Variants in LINGO2 observed in about 807,000 individuals in gnomAD.
LINGO2 encodes the protein leucine-rich repeat and immunoglobulin-like domain-containing nogo receptor-interacting protein 2.
LINGO2 carries 14 observed loss-of-function variants against 30.6 expected under a neutral mutation model. The ratio of observed to expected loss-of-function variants is 0.46; its 90% CI spans 0.30 to 0.72. The LOEUF (loss-of-function observed/expected upper bound fraction) is 0.72, where lower values mean the gene tolerates loss of function less well. LINGO2 is among the 30% of genes least tolerant of loss of function. LINGO2 has a pLI of 0.07. For missense variants in LINGO2, 729 were observed against 751.7 expected, an observed-to-expected ratio of 0.97 and a Z score of 0.35; for synonymous variants, 317 against 288.5, an observed-to-expected ratio of 1.10 and a Z score of -1.00.
chr9:28,507,451 T>A (rs746423857), intron 1 of LINGO2, among the ~76,000 whole-genome samples: 1 of 152,102 alleles, frequency 6.6e-6, no homozygotes, highest in Admixed American at 6.6e-5. Context: ...CAAAATCATA[T>A]ATCCCACTCA....
the LINGO2 span, among the ~76,000 whole-genome samples, chr9:28,753,405 C>A: frequency 6.6e-6 from 1 of 152,018 alleles, no homozygotes; most frequent in Admixed American, 6.6e-5. Flanking sequence ...TATAAGGCTG[C>A]AAATTGTGAA....
At chr9:27,943,699 G>A (rs909530875), downstream of LINGO2, 1 of 151,840 alleles carries the variant, frequency 6.6e-6, no homozygotes, top group Non-Finnish European at 1.5e-5. Context: ...TCCCTGGAGA[G>A]AGCGTTCATT....
the LINGO2 span, among the ~76,000 whole-genome samples, chr9:29,064,623 G>C: frequency 6.6e-6 from 1 of 151,938 alleles, no homozygotes; most frequent in Non-Finnish European, 1.5e-5. Flanking sequence ...CACTGAAGTA[G>C]AAAGAAAAGT....
chr9:28,134,352 C>T (rs1473987732), intron 4 of LINGO2, among the ~76,000 whole-genome samples: 12 of 152,264 alleles, frequency 7.9e-5, no homozygotes, highest in Non-Finnish European at 1.8e-4. Flanking sequence ...CTCGCTATTC[C>T]TCTTAGAAAC....
chr9:28,328,665 T>A (rs936363682), intron 3 of LINGO2, among the ~76,000 whole-genome samples: 36 of 152,066 alleles, frequency 2.4e-4, no homozygotes, highest in African/African-American at 8.5e-4. Context: ...AAGCAAAACA[T>A]TAGGAAAGCC....
chr9:28,742,285 T>G, the LINGO2 span, among the ~76,000 whole-genome samples: 1 of 135,166 alleles, frequency 7.4e-6, no homozygotes, highest in Non-Finnish European at 1.6e-5. Flanking sequence ...TTTTTTTAAT[T>G]TCTGCACTAC....
At chr9:28,959,993 T>C in the LINGO2 span, among the ~76,000 whole-genome samples, 1 of 152,178 alleles carries the variant, frequency 6.6e-6, no homozygotes, top group Admixed American at 6.5e-5. Flanking sequence ...AATTACATTT[T>C]AAATCTTTAA....
At chr9:28,778,338 T>C in the LINGO2 span, among the ~76,000 whole-genome samples, 9 of 152,172 alleles carry the variant, frequency 5.9e-5, no homozygotes, top group African/African-American at 2.2e-4. Flanking sequence ...TTTTTTCTTA[T>C]CAGTAACTCA....
the LINGO2 span, among the ~76,000 whole-genome samples, chr9:28,989,585 T>TAC: frequency 6.6e-6 from 1 of 152,312 alleles, no homozygotes; most frequent in East Asian, 1.9e-4. Flanking sequence ...TTTAGGAGCC[T>TAC]GTGTTACAGA....
rs1824609886 is a variant in LINGO2 at position 28,050,240 on chromosome 9, C to T, written c.-86-37835G>A. Among the ~76,000 whole-genome samples, 2 of 150,610 alleles carry T rather than the reference C, an allele frequency of 1.3e-5. 1 individual carries two copies. Among genetic ancestry groups the T allele is most frequent in the Non-Finnish European group, 2.9e-5 (2 of 67,848 alleles). ...TTGGTACCATGTGCCTGGCAGTATA[C>T]TCAGTTCTGAGGTTACAAAAATGAG... On this transcript the variant is annotated intron_variant, in intron 4 of 5. Coordinates refer to ENST00000379992, the Ensembl canonical transcript of LINGO2.
the LINGO2 span, among the ~76,000 whole-genome samples, chr9:28,973,412 C>G: frequency 6.6e-6 from 1 of 152,120 alleles, no homozygotes; most frequent in Non-Finnish European, 1.5e-5. Flanking sequence ...CAAATCTCAC[C>G]TTGAATTGTA....
Position 28,211,236 on chromosome 9 carries a change from T to C in LINGO2, c.-87+83972A>G, listed in dbSNP as rs376591153. Among the ~76,000 whole-genome samples, 24 of 151,544 alleles carry C rather than the reference T, an allele frequency of 1.6e-4. No homozygotes were observed. The South Asian group carries it at 5.0e-3, about 31-fold the overall frequency. On this transcript the variant is annotated intron_variant, in intron 4 of 5. Transcript: ENST00000379992. ...CCCATCAGGGTCACTTACTGATTGG[T>C]TTGTAATCGTGATTTAGATTAGTTG...
intron 4 of LINGO2, among the ~76,000 whole-genome samples, chr9:28,042,665 T>A (rs1259416905): frequency 1.3e-5 from 2 of 152,174 alleles, no homozygotes; most frequent in Non-Finnish European, 2.9e-5. Context: ...ATATTCAATC[T>A]ATTTTTCAGT....
chr9:28,189,685 GAGGAAGGA>G (rs1385136197), intron 4 of LINGO2, among the ~76,000 whole-genome samples: 13 of 20,532 alleles, frequency 6.3e-4, no homozygotes, highest in East Asian at 1.3e-3. Flanking sequence ...GGAAGGAAGG[GAGGAAGGA>G]AGGGAGGGAG....
rs186178709 is a variant in LINGO2, at chr9:27,951,171, G to T, written c.-35-465C>A. On this transcript the variant is annotated intron_variant, in intron 5 of 5. Coordinates refer to ENST00000379992, the Ensembl canonical transcript of LINGO2. ...TCTATTCAAAACAAAGCTAACAGAA[G>T]TTTCATTCTATATCAGGCCTTTAGG... 3.8e-3 allele frequency among the ~76,000 whole-genome samples: 584 copies of T among 152,272 alleles called. 6 individuals carry two copies. The highest frequency in any genetic ancestry group is 0.013 in the African/African-American group (548 of 41,574).
At chr9:28,100,570 G>A (rs1320643771) in intron 4 of LINGO2, among the ~76,000 whole-genome samples, 1 of 152,112 alleles carries the variant, frequency 6.6e-6, no homozygotes, top group Non-Finnish European at 1.5e-5. Flanking sequence ...AATTAATTCA[G>A]TGTTCAGTAT....
intron 4 of LINGO2, among the ~76,000 whole-genome samples, chr9:28,199,614 A>C (rs1820155287): frequency 6.6e-6 from 1 of 152,280 alleles, no homozygotes; most frequent in East Asian, 1.9e-4. Flanking sequence ...TTGGGATTAC[A>C]GGCGTGAGCC....
the LINGO2 span, among the ~76,000 whole-genome samples, chr9:29,104,832 AAATTTCTACACG>A: frequency 2.6e-5 from 4 of 152,192 alleles, no homozygotes; most frequent in Non-Finnish European, 5.9e-5. Context: ...TATGAAGGTC[AAATTTCTACACG>A]AATATATTGA....
chr9:28,860,677 C>CATAT, the LINGO2 span, among the ~76,000 whole-genome samples: 177 of 147,140 alleles, frequency 1.2e-3, 1 homozygote, highest in Middle Eastern at 3.6e-3. Flanking sequence ...ATATATATTT[C>CATAT]ATATATATAT....
Sources: gnomAD v4.1 joint callset for allele counts (sites outside exome capture counted in the v4.1 genomes callset) on GRCh38, gnomAD v4.1.1 for gene constraint, MANE v1.5 for transcripts, NCBI Gene and HGNC (gene_info 2026-07-23, HGNC 2026-07-21) for gene names.